The following FAM193A variants were observed in gnomAD, a reference collection of about 807,000 sequenced individuals.
FAM193A encodes the protein family with sequence similarity 193 member A.
FAM193A carries 22 observed loss-of-function variants against 126.5 expected under a neutral mutation model. The observed-to-expected ratio is 0.17, with a 90% CI of 0.12 to 0.25. FAM193A has a LOEUF of 0.25. Ranked by LOEUF, FAM193A falls within the 10% of genes least tolerant of loss-of-function variation. The pLI, the probability that FAM193A is intolerant of heterozygous loss-of-function variation, is 1.00. For synonymous variants in FAM193A, 761 were observed against 646.8 expected, an observed-to-expected ratio of 1.18 and a Z score of -2.68; for missense variants, 1,675 against 1,672.8, an observed-to-expected ratio of 1.00 and a Z score of -0.02.
chr4:2,629,904 G>T (rs151003066), intron 4 of FAM193A, among the ~76,000 whole-genome samples: 2,323 of 152,230 alleles, frequency 0.015, 48 homozygotes, highest in African/African-American at 0.053. Flanking sequence ...AGGCCAAGGC[G>T]GGCGGATCAC....
intron 4 of FAM193A, among the ~76,000 whole-genome samples, chr4:2,629,236 T>C (rs35980308): frequency 0.085 from 12,809 of 150,030 alleles, 1,034 homozygotes; most frequent in African/African-American, 0.21. Flanking sequence ...AAAAAAGAGA[T>C]CTAAGTCCGA....
chr4:2,718,923 T>C (rs190885356), intron 20 of FAM193A, among the ~76,000 whole-genome samples: 1 of 152,240 alleles, frequency 6.6e-6, no homozygotes, highest in Admixed American at 6.5e-5. Context: ...AAACAATAGC[T>C]GTAAGTCTCA....
chr4:2,641,524 G>A (rs561708583), intron 6 of FAM193A, among the ~76,000 whole-genome samples: 8 of 152,130 alleles, frequency 5.3e-5, no homozygotes, highest in South Asian at 2.1e-4. Flanking sequence ...GCGTAGTGGC[G>A]CATGCCTGTA....
At chr4:2,713,664 C>T (rs1340640058) in intron 19 of FAM193A, among the ~76,000 whole-genome samples, 1 of 152,144 alleles carries the variant, frequency 6.6e-6, no homozygotes, top group African/African-American at 2.4e-5. Flanking sequence ...GGTGGTGTTT[C>T]TGCTCTGTCA....
chr4:2,594,545 G>C (rs1186553122), intron 1 of FAM193A, among the ~76,000 whole-genome samples: 1 of 152,184 alleles, frequency 6.6e-6, no homozygotes, highest in Non-Finnish European at 1.5e-5. Context: ...CCACCCCACT[G>C]TGTGCCCTTT....
chr4:2,682,632 G>GT (rs1715282134), intron 13 of FAM193A, among the ~76,000 whole-genome samples: 1 of 151,956 alleles, frequency 6.6e-6, no homozygotes, highest in Non-Finnish European at 1.5e-5. Context: ...GCGTTTTATG[G>GT]TTTTATCTCC....
chr4:2,597,223 C>T (rs1476930515), intron 2 of FAM193A, among the ~76,000 whole-genome samples: 1 of 152,196 alleles, frequency 6.6e-6, no homozygotes, highest in Admixed American at 6.5e-5. Context: ...CTGTAATTCT[C>T]TTCCTAGCAC....
At chr4:2,549,135 C>T (rs888686433) in intron 1 of FAM193A, among the ~76,000 whole-genome samples, 3 of 151,536 alleles carry the variant, frequency 2.0e-5, no homozygotes, top group African/African-American at 7.3e-5. Context: ...GATGGTGTTT[C>T]ACCATGTTGG....
intron 7 of FAM193A, among the ~76,000 whole-genome samples, chr4:2,655,960 A>T (rs1447063370): frequency 6.6e-6 from 1 of 151,918 alleles, no homozygotes; most frequent in Non-Finnish European, 1.5e-5. Context: ...AACAAATGAA[A>T]TTTTTTGTAG....
At chr4:2,551,492 C>G (rs1287864628) in intron 1 of FAM193A, among the ~76,000 whole-genome samples, 1 of 152,124 alleles carries the variant, frequency 6.6e-6, no homozygotes, top group African/African-American at 2.4e-5. Context: ...GGAATTATTT[C>G]TTTCTCTATG....
chr4:2,574,720 GTAAA>G (rs960447170), intron 1 of FAM193A, among the ~76,000 whole-genome samples: 1 of 151,980 alleles, frequency 6.6e-6, no homozygotes, highest in Non-Finnish European at 1.5e-5. Context: ...CTGGGGGAGG[GTAAA>G]TAAATACTTA....
At chr4:2,687,029 G>A (rs946774159) in intron 13 of FAM193A, among the ~76,000 whole-genome samples, 1 of 152,008 alleles carries the variant, frequency 6.6e-6, no homozygotes, top group Non-Finnish European at 1.5e-5. Flanking sequence ...TGGGTGGCCC[G>A]TCTGGACCTG....
Position 2,731,804 on chromosome 4 carries a change from G to A in FAM193A, c.4484G>A (p.Arg1495Gln). The change falls in exon 21 of 21, where the codon CGA (arginine) becomes CAA (glutamine). Residue 1495 changes from arginine (R) to glutamine (Q), a missense_variant. Transcript: ENST00000637812. ...TGCTTGGATTCTGCTAGACAGACCC[G>A]ACAAAGACTGTCTATCAACTGGTCC... ...RFCLDSARQT[R>Q]QRLSINWSNF... 2.5e-6 allele frequency: 4 copies of A among 1,613,970 alleles called. No homozygotes were observed. Among genetic ancestry groups the A allele is most frequent in the Non-Finnish European group, 3.4e-6 (4 of 1,179,928 alleles).
At chr4:2,677,907 A>G (rs1006834418) in intron 13 of FAM193A, among the ~76,000 whole-genome samples, 27 of 152,180 alleles carry the variant, frequency 1.8e-4, no homozygotes, top group Admixed American at 1.7e-3. Flanking sequence ...TGTACATTCT[A>G]ACAGTATTGT....
At chr4:2,610,180 C>T (rs923712853) in intron 2 of FAM193A, among the ~76,000 whole-genome samples, 6 of 151,368 alleles carry the variant, frequency 4.0e-5, no homozygotes, top group Non-Finnish European at 7.4e-5. Context: ...TGCAGTGAGC[C>T]GAGATCACGC....
intron 1 of FAM193A, among the ~76,000 whole-genome samples, chr4:2,571,400 C>T (rs1739284533): frequency 1.3e-5 from 2 of 152,020 alleles, no homozygotes; most frequent in African/African-American, 4.8e-5. Context: ...CAGTGAACTT[C>T]TGTTTGGTTA....
intron 2 of FAM193A, among the ~76,000 whole-genome samples, chr4:2,622,276 A>G (rs960695546): frequency 5.3e-5 from 8 of 151,178 alleles, no homozygotes; most frequent in Admixed American, 1.3e-4. Flanking sequence ...AAAAAAAAAA[A>G]AAAAAAACCT....
intron 1 of FAM193A, among the ~76,000 whole-genome samples, chr4:2,569,602 A>G (rs1442148317): frequency 4.6e-5 from 7 of 152,072 alleles, no homozygotes; most frequent in Admixed American, 3.3e-4. Context: ...GGCTCAAGCT[A>G]TCCTCCTGCC....
intron 1 of FAM193A, among the ~76,000 whole-genome samples, chr4:2,550,954 C>T (rs1313532966): frequency 2.0e-5 from 3 of 152,024 alleles, no homozygotes; most frequent in Non-Finnish European, 2.9e-5. Flanking sequence ...GCGTCCGCCA[C>T]CACACCTGGG....
Sources: allele counts gnomAD v4.1 joint callset (sites outside exome capture counted in the v4.1 genomes callset), GRCh38; gene constraint gnomAD v4.1.1; transcripts MANE v1.5; gene names NCBI Gene and HGNC (gene_info 2026-07-23, HGNC 2026-07-21).